Variants in PTPN4 observed in about 807,000 individuals in gnomAD.
The protein encoded by PTPN4 is protein tyrosine phosphatase non-receptor type 4.
Under a neutral mutation model 135.5 loss-of-function variants are expected in PTPN4, and 49 were observed. The ratio of observed to expected loss-of-function variants is 0.36; its 90% confidence interval spans 0.29 to 0.46. The LOEUF is 0.46. PTPN4 is among the 20% of genes least tolerant of loss of function. The pLI is 1.00. For missense variants in PTPN4, 860 were observed against 1,101.0 expected (o/e 0.78, Z 3.10); for synonymous variants, 333 against 369.9 (o/e 0.90, Z 1.14).
At chr2:119,955,092 A>G (rs1679261100) in intron 19 of PTPN4, 65 bp from the exon 20 acceptor site, 2 of 1,390,176 alleles carry the variant, frequency 1.4e-6, no homozygotes, top group Non-Finnish European at 2.0e-6. Context: ...TATCTGGTAA[A>G]TTCCTATCGT....
chr2:119,965,214 GA>G (rs1434663756), intron 24 of PTPN4, among the ~76,000 whole-genome samples: 3 of 152,110 alleles, frequency 2.0e-5, no homozygotes, highest in African/African-American at 7.2e-5. Context: ...TCTCAAAGGG[GA>G]AATCTAACAT....
At chr2:119,881,942 C>T (rs970476248) in intron 6 of PTPN4, 112 bp downstream of exon 6, 4 of 1,053,190 alleles carry the variant, frequency 3.8e-6, no homozygotes, top group Non-Finnish European at 5.7e-6. Context: ...AAGAAGGTTA[C>T]ATGTAGTGTG....
intron 2 of PTPN4, among the ~76,000 whole-genome samples, chr2:119,814,245 A>T (rs1049294341): frequency 1.1e-4 from 16 of 152,078 alleles, no homozygotes; most frequent in African/African-American, 3.6e-4. Context: ...CACTATGTAG[A>T]TTTTTTCTTA....
intron 24 of PTPN4, among the ~76,000 whole-genome samples, chr2:119,963,702 G>A (rs951699435): frequency 6.6e-6 from 1 of 152,158 alleles, no homozygotes; most frequent in Non-Finnish European, 1.5e-5. Flanking sequence ...AAATTTTATG[G>A]GCTAGAGTCC....
At chr2:119,766,474 G>C (rs957794594) in intron 1 of PTPN4, among the ~76,000 whole-genome samples, 5 of 131,460 alleles carry the variant, frequency 3.8e-5, no homozygotes, top group African/African-American at 7.1e-5. Flanking sequence ...GTGTGTGTGT[G>C]TGTGTGTGTC....
intron 15 of PTPN4, among the ~76,000 whole-genome samples, chr2:119,937,871 G>A (rs752331718): frequency 1.7e-4 from 26 of 151,714 alleles, no homozygotes; most frequent in Non-Finnish European, 2.8e-4. Context: ...GTTCGAGGAT[G>A]TATTGCTCCA....
At chr2:119,849,734 A>G (rs1677563221) in intron 2 of PTPN4, among the ~76,000 whole-genome samples, 1 of 152,078 alleles carries the variant, frequency 6.6e-6, no homozygotes, top group Admixed American at 6.6e-5. Context: ...ATATCTTCTC[A>G]CAGTGCGCAC....
intron 9 of PTPN4, among the ~76,000 whole-genome samples, chr2:119,899,888 T>C (rs1190036921): frequency 2.6e-5 from 4 of 152,180 alleles, no homozygotes; most frequent in South Asian, 4.1e-4. Flanking sequence ...TACTATAAAG[T>C]ATTTGTTCTA....
At chr2:119,848,406 C>G (rs1372477533) in intron 2 of PTPN4, among the ~76,000 whole-genome samples, 1 of 152,062 alleles carries the variant, frequency 6.6e-6, no homozygotes, top group East Asian at 1.9e-4. Context: ...ATCTCCTGAC[C>G]TCGTGATCCA....
At chr2:119,847,340 T>TTGAGACAGAG (rs1677519681) in intron 2 of PTPN4, among the ~76,000 whole-genome samples, 1 of 146,552 alleles carries the variant, frequency 6.8e-6, no homozygotes, top group Non-Finnish European at 1.5e-5. Context: ...TTTTTTTTTT[T>TTGAGACAGAG]TTTTGAGACA....
Position 119,976,980 on chromosome 2 carries a change from T to C in PTPN4, c.2695-4T>C. On this transcript the variant is annotated splice_region_variant and splice_polypyrimidine_tract_variant and intron_variant, in intron 26 of 26. Coordinates refer to ENST00000263708, the MANE Select transcript of PTPN4 (RefSeq NM_002830.4). ...AGTTCTGTTTTTTATATTTTATTTT[T>C]CAGAGTCAATACAGATTTGTATGTG... The C allele has an allele frequency of 1.2e-6, 2 of 1,602,748 alleles. No individual in the cohort carries two copies. The highest frequency in any genetic ancestry group is 1.7e-6 in the Non-Finnish European group (2 of 1,177,030).
intron 17 of PTPN4, 24 bp from the exon 18 acceptor site, chr2:119,946,494 C>T (rs1286224294): frequency 3.8e-6 from 6 of 1,599,152 alleles, no homozygotes; most frequent in Admixed American, 1.7e-5. Flanking sequence ...ATTTGACTAA[C>T]ATTTTACTTA....
intron 1 of PTPN4, among the ~76,000 whole-genome samples, chr2:119,776,455 T>C (rs905034078): frequency 2.0e-5 from 3 of 152,236 alleles, no homozygotes; most frequent in African/African-American, 4.8e-5. Flanking sequence ...ATTACAGGCG[T>C]AAGCCACCGC....
At chr2:119,777,618 A>G (rs1452985105) in intron 1 of PTPN4, among the ~76,000 whole-genome samples, 2 of 152,176 alleles carry the variant, frequency 1.3e-5, no homozygotes, top group East Asian at 1.9e-4. Context: ...GCCTTTAGTT[A>G]TAAATATTCT....
Position 119,945,013 on chromosome 2 carries a change from T to A in PTPN4, c.1356-68T>A, listed in dbSNP as rs1679111894. On this transcript the variant is annotated intron_variant, in intron 15 of 26. Coordinates refer to ENST00000263708, the MANE Select transcript of PTPN4 (RefSeq NM_002830.4). Reference sequence around the variant, plus strand: ...TGTCTCCTACCAGACATTGTAAATATGTGGGTTGCTTGACCCTAACTTTTA... The same window carrying A: ...TGTCTCCTACCAGACATTGTAAATAAGTGGGTTGCTTGACCCTAACTTTTA... 13 of 1,409,992 alleles carry A rather than the reference T, an allele frequency of 9.2e-6. No individual in the cohort carries two copies. The South Asian group carries it at 1.7e-4, about 19-fold the overall frequency. 87.3% of individuals were successfully genotyped at this position (1,409,992 alleles called of 1,614,324 possible).
chr2:119,764,177 A>T (rs906130975), intron 1 of PTPN4, among the ~76,000 whole-genome samples: 4 of 152,232 alleles, frequency 2.6e-5, no homozygotes, highest in African/African-American at 9.7e-5. Flanking sequence ...GCACACATAA[A>T]GGATAGTGGA....
chr2:119,961,436 T>C (rs1365394929), intron 23 of PTPN4, among the ~76,000 whole-genome samples: 1 of 152,204 alleles, frequency 6.6e-6, no homozygotes, highest in Non-Finnish European at 1.5e-5. Flanking sequence ...AGGGATGATA[T>C]GGAAAAAACA....
intron 8 of PTPN4, 66 bp from the exon 9 acceptor site, chr2:119,885,729 C>A (rs1678146138): frequency 2.6e-6 from 3 of 1,151,762 alleles, no homozygotes; most frequent in Non-Finnish European, 3.7e-6. Flanking sequence ...TAGCCTTTTT[C>A]TAATTTAGCC....
At chr2:119,861,956 T>C (rs1364300666) in intron 2 of PTPN4, among the ~76,000 whole-genome samples, 2 of 151,458 alleles carry the variant, frequency 1.3e-5, no homozygotes, top group East Asian at 1.9e-4. Context: ...CTATAAATAA[T>C]TGTTACCATC....
Sources: allele counts gnomAD v4.1 joint callset (sites outside exome capture counted in the v4.1 genomes callset), GRCh38; gene constraint gnomAD v4.1.1; transcripts MANE v1.5; gene names NCBI Gene and HGNC (gene_info 2026-07-23, HGNC 2026-07-21).